Variants in PSMD11 observed in about 807,000 individuals in gnomAD.
PSMD11 encodes the protein proteasome 26S subunit, non-ATPase 11.
In PSMD11, 5 loss-of-function variants were observed where a neutral mutation model predicts 62.3. The observed-to-expected ratio is 0.08, with a 90% CI of 0.04 to 0.17. PSMD11 has a LOEUF of 0.17. PSMD11 is among the 10% of genes least tolerant of loss of function. The pLI is 1.00. For synonymous variants in PSMD11, 191 were observed against 191.8 expected (o/e 1.00, Z 0.03); for missense variants, 310 against 512.9 (o/e 0.60, Z 3.82).
chr17:32,452,145 T>G (rs1907523407), intron 2 of PSMD11, among the ~76,000 whole-genome samples: 2 of 152,222 alleles, frequency 1.3e-5, no homozygotes, highest in African/African-American at 4.8e-5. Flanking sequence ...GTTTCCACAT[T>G]GTGTGTGACT....
chr17:32,456,746 T>C (rs1417033775), intron 3 of PSMD11, among the ~76,000 whole-genome samples: 3 of 152,250 alleles, frequency 2.0e-5, no homozygotes, highest in Admixed American at 6.5e-5. Flanking sequence ...TTAGTCAGGA[T>C]GGTCTTGATC....
chr17:32,477,392 A>G (rs1908359644), intron 8 of PSMD11, 129 bp from the exon 9 acceptor site: 4 of 685,400 alleles, frequency 5.8e-6, no homozygotes, highest in Non-Finnish European at 9.1e-6. Flanking sequence ...GCGTCTGAAG[A>G]AGAACGATGG....
intron 6 of PSMD11, among the ~76,000 whole-genome samples, chr17:32,469,433 TAGAA>T (rs1282766919): frequency 6.6e-6 from 1 of 152,192 alleles, no homozygotes; most frequent in African/African-American, 2.4e-5. Context: ...GAACCAAACT[TAGAA>T]AGGTCGCACG....
intron 3 of PSMD11, among the ~76,000 whole-genome samples, chr17:32,458,880 C>T (rs1260355481): frequency 1.3e-5 from 2 of 152,000 alleles, no homozygotes; most frequent in Non-Finnish European, 2.9e-5. Context: ...ATCTTACCTC[C>T]TCAGAGACTT....
At chr17:32,467,952 C>T (rs930581337) in intron 5 of PSMD11, among the ~76,000 whole-genome samples, 1 of 152,106 alleles carries the variant, frequency 6.6e-6, no homozygotes, top group Non-Finnish European at 1.5e-5. Context: ...TGATCCTTTT[C>T]CTCCTCCCAC....
At chr17:32,454,406 A>G (rs1567852437) in intron 2 of PSMD11, 89 bp from the exon 3 acceptor site, 1 of 1,400,580 alleles carries the variant, frequency 7.1e-7, no homozygotes, top group Admixed American at 1.9e-5. Flanking sequence ...GTAAGTACCG[A>G]TTTTTATGAC....
chr17:32,460,711 T>G (rs1907805230), intron 3 of PSMD11, among the ~76,000 whole-genome samples: 1 of 150,074 alleles, frequency 6.7e-6, no homozygotes, highest in Admixed American at 6.7e-5. Context: ...AGGCGGAGCT[T>G]GCAGTGAGCG....
intron 3 of PSMD11, among the ~76,000 whole-genome samples, chr17:32,462,912 T>A (rs1907884657): frequency 6.6e-6 from 1 of 152,198 alleles, no homozygotes; most frequent in Non-Finnish European, 1.5e-5. Context: ...GGTCTTGAAC[T>A]CCCGACCTCA....
At position 32,447,043 on chromosome 17, in the gene PSMD11, G is replaced by T. The variant is rs1907353158; in HGVS notation, c.190G>T (p.Ala64Ser). 4.4e-6 allele frequency: 7 copies of T among 1,598,652 alleles called. No individual in the cohort carries two copies. The highest frequency in any genetic ancestry group is 6.0e-6 in the Non-Finnish European group (7 of 1,168,088). ...GSLLAKTGQA[A>S]ELGGLLKYVR... ...TCTCCTGGCAAAGACTGGACAAGCTGCAGGTAAGTGCTACACATGGATTGT... is the reference window on the plus strand; with the variant it reads ...TCTCCTGGCAAAGACTGGACAAGCTTCAGGTAAGTGCTACACATGGATTGT... The change falls in exon 2 of 14, where the codon GCA becomes TCA. Residue 64 changes from alanine (A) to serine (S), a missense_variant. By Grantham distance (99) the Ala-to-Ser change is moderately conservative. Around this residue, in one of 6 missense-constraint regions of PSMD11, gnomAD observed 50 missense variants for 94.4 expected, o/e 0.53. Coordinates refer to ENST00000261712, the MANE Select transcript of PSMD11 (RefSeq NM_002815.4).
At chr17:32,470,086 T>C (rs553670426) in intron 6 of PSMD11, among the ~76,000 whole-genome samples, 3 of 152,080 alleles carry the variant, frequency 2.0e-5, no homozygotes, top group African/African-American at 7.2e-5. Context: ...AGTCACAGCT[T>C]ACCACAGCCT....
chr17:32,454,878 G>T (rs141232083), intron 3 of PSMD11: 3 of 351,396 alleles, frequency 8.5e-6, no homozygotes, highest in South Asian at 6.8e-5. Flanking sequence ...TGTCTTTGAG[G>T]TATTGTATTG....
At chr17:32,468,497 T>A (rs1345359522) in intron 5 of PSMD11, among the ~76,000 whole-genome samples, 2 of 152,244 alleles carry the variant, frequency 1.3e-5, no homozygotes, top group African/African-American at 4.8e-5. Flanking sequence ...TGAGTCAATT[T>A]ATGTATATGG....
chr17:32,451,606 G>A (rs151086472), intron 2 of PSMD11, among the ~76,000 whole-genome samples: 99 of 152,242 alleles, frequency 6.5e-4, no homozygotes, highest in African/African-American at 2.4e-3. Flanking sequence ...AAAATAAAGA[G>A]TAGACACTAT....
intron 6 of PSMD11, among the ~76,000 whole-genome samples, chr17:32,469,449 A>G (rs564182732): frequency 1.3e-5 from 2 of 152,350 alleles, no homozygotes; most frequent in Admixed American, 6.5e-5. Context: ...GGTCGCACGT[A>G]GAAGACTCCC....
intron 2 of PSMD11, among the ~76,000 whole-genome samples, chr17:32,453,829 G>GTGA: frequency 6.6e-6 from 1 of 152,192 alleles, no homozygotes. Flanking sequence ...GAAAAGCTCT[G>GTGA]TGATGGATCC....
At position 32,477,574 on chromosome 17, in the gene PSMD11, T is replaced by C; in HGVS notation, c.903T>C (p.Asp301=). The C allele has an allele frequency of 6.2e-7, 1 of 1,611,012 alleles. No homozygotes were observed. ...AQASKNRSLA[D]FEKALTDYRA... ...CTAGCAAGAACAGATCACTGGCAGA[T>C]TTTGAAAAGGTGAGTATGATATTGG... The change falls in exon 9 of 14, where the codon GAT becomes GAC. Residue 301 remains aspartate (D), a synonymous_variant. Coordinates refer to ENST00000261712, the MANE Select transcript of PSMD11 (RefSeq NM_002815.4).
intron 6 of PSMD11, among the ~76,000 whole-genome samples, chr17:32,472,422 C>G (rs1477193524): frequency 6.6e-6 from 1 of 151,602 alleles, no homozygotes; most frequent in African/African-American, 2.4e-5. Flanking sequence ...GGCGTTTTGC[C>G]TTGTTGGCCA....
intron 3 of PSMD11, among the ~76,000 whole-genome samples, chr17:32,455,583 G>T (rs553560073): frequency 1.3e-5 from 2 of 152,092 alleles, no homozygotes; most frequent in Non-Finnish European, 2.9e-5. Flanking sequence ...TAGGACACAT[G>T]GATCCTACTT....
At chr17:32,473,996 CT>C (rs1270680692) in intron 7 of PSMD11, 51 bp downstream of exon 7, 6 of 1,600,866 alleles carry the variant, frequency 3.7e-6, no homozygotes, top group Non-Finnish European at 5.1e-6. Context: ...TTCAGCAAGT[CT>C]GTTTGCCATG....
Sources: gnomAD v4.1 joint callset for allele counts (sites outside exome capture counted in the v4.1 genomes callset) on GRCh38, gnomAD v4.1.1 for gene constraint, gnomAD v4.1.1 regional missense constraint, MANE v1.5 for transcripts, NCBI Gene and HGNC (gene_info 2026-07-23, HGNC 2026-07-21) for gene names.